PTPRN2: variants seen among roughly 807,000 people sequenced by gnomAD.
The protein encoded by PTPRN2 is receptor-type tyrosine-protein phosphatase N2.
A neutral mutation model predicts 118.8 loss-of-function variants in PTPRN2; 74 were observed. The ratio of observed to expected loss-of-function variants is 0.62; its 90% CI spans 0.52 to 0.76. The LOEUF (loss-of-function observed/expected upper bound fraction) is 0.76. Ranked by LOEUF, PTPRN2 falls within the 30% of genes least tolerant of loss-of-function variation. The pLI is 0.00. For synonymous variants in PTPRN2, 641 were observed against 608.0 expected, an observed-to-expected ratio of 1.05 and a Z score of -0.80; for missense variants, 1,481 against 1,394.4, an observed-to-expected ratio of 1.06 and a Z score of -0.99.
intron 11 of PTPRN2, among the ~76,000 whole-genome samples, chr7:158,074,971 C>T (rs145140090): frequency 1.1e-4 from 17 of 152,340 alleles, no homozygotes; most frequent in African/African-American, 2.6e-4. Flanking sequence ...CCCCCACATG[C>T]GGCTCCTGGC....
chr7:157,980,480 G>A (rs1174963815), intron 11 of PTPRN2, among the ~76,000 whole-genome samples: 1 of 152,220 alleles, frequency 6.6e-6, no homozygotes, highest in Admixed American at 6.5e-5. Context: ...GGCCGGGCAC[G>A]GTGGCTCACA....
At chr7:158,387,558 G>A (rs1811549049) in intron 2 of PTPRN2, among the ~76,000 whole-genome samples, 7 of 152,410 alleles carry the variant, frequency 4.6e-5, no homozygotes, top group Non-Finnish European at 8.8e-5. Flanking sequence ...CCAGGGGGCT[G>A]CGGCATCCCT....
intron 2 of PTPRN2, among the ~76,000 whole-genome samples, chr7:158,434,752 G>A (rs993544515): frequency 6.6e-6 from 1 of 151,974 alleles, no homozygotes; most frequent in Non-Finnish European, 1.5e-5. Flanking sequence ...TCTGGATGGA[G>A]TATTTTTATT....
intron 1 of PTPRN2, among the ~76,000 whole-genome samples, chr7:158,527,882 G>C (rs560564109): frequency 6.6e-6 from 1 of 152,068 alleles, no homozygotes; most frequent in Admixed American, 6.6e-5. Flanking sequence ...CACAAGCTGC[G>C]CCTCGGTGCT....
chr7:157,563,945 G>A (rs570469892), intron 21 of PTPRN2, among the ~76,000 whole-genome samples: 37 of 152,312 alleles, frequency 2.4e-4, no homozygotes, highest in African/African-American at 7.9e-4. Flanking sequence ...TCCCGCACAC[G>A]CTCGAGGCAG....
At chr7:158,064,845 G>A (rs2128909868) in intron 11 of PTPRN2, among the ~76,000 whole-genome samples, 1 of 152,256 alleles carries the variant, frequency 6.6e-6, no homozygotes, top group South Asian at 2.1e-4. Flanking sequence ...TGGGCTGTCG[G>A]GTGTCCCTGG....
intron 2 of PTPRN2, among the ~76,000 whole-genome samples, chr7:158,406,058 G>A (rs1441238794): frequency 5.4e-5 from 7 of 128,810 alleles, no homozygotes; most frequent in Non-Finnish European, 9.8e-5. Flanking sequence ...ACACGTGGCC[G>A]CACACTGAGA....
intron 2 of PTPRN2, among the ~76,000 whole-genome samples, chr7:158,473,759 T>C (rs1431248740): frequency 6.6e-6 from 1 of 151,754 alleles, no homozygotes; most frequent in African/African-American, 2.4e-5. Context: ...CAGTCAACCA[T>C]GATAGATTGG....
At position 158,406,615 on chromosome 7, in the gene PTPRN2, C is replaced by T. The variant is rs985628827; in HGVS notation, c.163+83120G>A. 2.8e-4 allele frequency among the ~76,000 whole-genome samples: 43 copies of T among 152,356 alleles called. 1 individual carries two copies. The highest frequency in any genetic ancestry group is 4.0e-4 in the Non-Finnish European group (27 of 68,028). ...CTGGAAGCCTCCCCAGTCTCTCCCGCGGACCTGAGTCCTGCTGCAGCCACT... is the reference window on the plus strand; with the variant it reads ...CTGGAAGCCTCCCCAGTCTCTCCCGTGGACCTGAGTCCTGCTGCAGCCACT... On this transcript the variant is annotated intron_variant, in intron 2 of 22. Transcript: ENST00000389418.
At chr7:158,166,849 A>G (rs1263431203) in intron 6 of PTPRN2, 82 bp downstream of exon 6, 44 of 1,375,058 alleles carry the variant, frequency 3.2e-5, no homozygotes, top group Non-Finnish European at 4.1e-5. Context: ...CACGTGTGGG[A>G]AGAGCATGGT....
intron 1 of PTPRN2, among the ~76,000 whole-genome samples, chr7:158,571,487 A>C (rs1828027271): frequency 6.8e-6 from 1 of 146,300 alleles, no homozygotes; most frequent in South Asian, 2.1e-4. Context: ...CAAAAAAAAC[A>C]AAAACAAAAA....
At chr7:158,196,488 C>T (rs569508224) in intron 4 of PTPRN2, among the ~76,000 whole-genome samples, 9 of 152,334 alleles carry the variant, frequency 5.9e-5, no homozygotes, top group Non-Finnish European at 1.3e-4. Context: ...TGGTCCCCAG[C>T]CCCTGAGGAG....
chr7:158,079,854 G>A (rs757138438), intron 11 of PTPRN2, among the ~76,000 whole-genome samples: 11 of 152,186 alleles, frequency 7.2e-5, no homozygotes, highest in Non-Finnish European at 1.5e-4. Context: ...GGACCGCCCA[G>A]CTGGAGTGAG....
intron 19 of PTPRN2, among the ~76,000 whole-genome samples, chr7:157,572,161 A>C (rs1371271519): frequency 1.3e-5 from 2 of 152,242 alleles, no homozygotes; most frequent in African/African-American, 4.8e-5. Context: ...AAATCAAAAC[A>C]GAGGACTGAT....
chr7:158,247,427 A>T (rs112332986), intron 3 of PTPRN2, among the ~76,000 whole-genome samples: 5 of 7,094 alleles, frequency 7.0e-4, no homozygotes, highest in Admixed American at 3.5e-3. Flanking sequence ...AGGAGTGGCC[A>T]GGGGTGCCCG....
intron 11 of PTPRN2, among the ~76,000 whole-genome samples, chr7:158,013,009 T>C (rs1198215933): frequency 6.6e-6 from 1 of 152,210 alleles, no homozygotes; most frequent in Non-Finnish European, 1.5e-5. Context: ...GAAAAGTTCA[T>C]GTGCCCATCC....
At chr7:158,152,889 A>G (rs10256033) in intron 6 of PTPRN2, among the ~76,000 whole-genome samples, 15,000 of 60,308 alleles carry the variant, frequency 0.25, 1,970 homozygotes, top group Middle Eastern at 0.32. Flanking sequence ...AGAGCAGACC[A>G]ACAGACACCA....
chr7:158,150,291 T>G (rs1820840019), intron 6 of PTPRN2, among the ~76,000 whole-genome samples: 1 of 152,228 alleles, frequency 6.6e-6, no homozygotes, highest in Non-Finnish European at 1.5e-5. Flanking sequence ...CTGTTTCTGC[T>G]AAAGGCTAAC....
intron 3 of PTPRN2, among the ~76,000 whole-genome samples, chr7:158,218,660 G>A (rs1828129966): frequency 1.3e-5 from 2 of 152,172 alleles, no homozygotes; most frequent in African/African-American, 4.8e-5. Flanking sequence ...AAAGAGGCAA[G>A]ACCCAACTGT....
Sources: allele counts gnomAD v4.1 joint callset (sites outside exome capture counted in the v4.1 genomes callset), GRCh38; gene constraint gnomAD v4.1.1; transcripts MANE v1.5; gene names NCBI Gene and HGNC (gene_info 2026-07-23, HGNC 2026-07-21).